Variants in CERS3 observed in about 807,000 individuals in gnomAD.
The protein encoded by CERS3 is LAG1 homolog, ceramide synthase 3.
A neutral mutation model predicts 50.3 loss-of-function variants in CERS3; 33 were observed. The ratio of observed to expected loss-of-function variants is 0.66; its 90% CI spans 0.50 to 0.88. CERS3 has a LOEUF of 0.88. CERS3 is among the 40% of genes least tolerant of loss of function. The pLI is 0.00. For missense variants in CERS3, 470 were observed against 460.3 expected (o/e 1.02, Z -0.19); for synonymous variants, 176 against 155.2 (o/e 1.13, Z -0.99).
chr15:100,467,834 CGT>C (rs201942763), intron 10 of CERS3, among the ~76,000 whole-genome samples: 1 of 19,992 alleles, frequency 5.0e-5, no homozygotes, highest in Non-Finnish European at 1.7e-4. Flanking sequence ...TATATATATA[CGT>C]GTATATATAT....
intron 3 of CERS3, among the ~76,000 whole-genome samples, chr15:100,498,903 T>C (rs1217822171): frequency 2.0e-5 from 3 of 152,246 alleles, no homozygotes; most frequent in African/African-American, 4.8e-5. Flanking sequence ...TTTGTTTTTA[T>C]GTGTGAACAA....
chr15:100,494,548 T>C (rs951183299), intron 3 of CERS3, among the ~76,000 whole-genome samples: 4 of 152,184 alleles, frequency 2.6e-5, no homozygotes, highest in South Asian at 4.1e-4. Flanking sequence ...TCACCTTTTT[T>C]GAATTAATCT....
intron 1 of CERS3, among the ~76,000 whole-genome samples, chr15:100,539,347 C>T (rs1315555077): frequency 6.6e-6 from 1 of 152,194 alleles, no homozygotes; most frequent in Non-Finnish European, 1.5e-5. Context: ...CCACTCTCTG[C>T]AGTACTAATG....
rs200475849 is a variant in CERS3 at position 100,498,491 on chromosome 15, G to GA, written c.173+3185dup. On this transcript the variant is annotated intron_variant, in intron 3 of 11. Transcript: ENST00000679737. The stretch of plus-strand genomic sequence containing the variant: ...ATTTTCATTTTATTGATATGGAATA[G>GA]AAAAAAAAAGTCTGAGAGGAAGAAA... 1.8e-3 allele frequency among the ~76,000 whole-genome samples: 266 copies of GA among 150,632 alleles called. 1 individual carries two copies. Among genetic ancestry groups the GA allele is most frequent in the African/African-American group, 5.8e-3 (237 of 41,174 alleles).
intron 2 of CERS3, among the ~76,000 whole-genome samples, chr15:100,509,443 C>A (rs1056847482): frequency 3.3e-5 from 5 of 152,186 alleles, no homozygotes; most frequent in African/African-American, 1.2e-4. Flanking sequence ...CAGAACATAT[C>A]TCTCAGATAG....
chr15:100,490,326 G>T (rs1309127110), intron 4 of CERS3, among the ~76,000 whole-genome samples: 2 of 152,102 alleles, frequency 1.3e-5, no homozygotes, highest in East Asian at 3.9e-4. Flanking sequence ...AATAGTCGGG[G>T]CACAGCATAT....
chr15:100,445,013 C>T (rs1383171199), intron 11 of CERS3, among the ~76,000 whole-genome samples: 6 of 151,192 alleles, frequency 4.0e-5, no homozygotes, highest in Admixed American at 6.6e-5. Flanking sequence ...AAAGGTAGAA[C>T]GGACTAATGG....
chr15:100,541,572 C>T (rs1405952019), intron 1 of CERS3, among the ~76,000 whole-genome samples: 1 of 152,152 alleles, frequency 6.6e-6, no homozygotes, highest in Non-Finnish European at 1.5e-5. Flanking sequence ...CTCTGTTGTA[C>T]TGGACCAGTT....
chr15:100,423,164 C>G (rs1038987231), intron 11 of CERS3, among the ~76,000 whole-genome samples: 4 of 151,740 alleles, frequency 2.6e-5, no homozygotes, highest in African/African-American at 7.3e-5. Context: ...TTATAAACTA[C>G]TGGTGGGAAT....
intron 11 of CERS3, among the ~76,000 whole-genome samples, chr15:100,447,827 C>G (rs1000625689): frequency 6.6e-6 from 1 of 152,152 alleles, no homozygotes; most frequent in Non-Finnish European, 1.5e-5. Context: ...TGGGCTATTT[C>G]CCCTAAAGTC....
chr15:100,463,261 C>T (rs1403242263), intron 10 of CERS3, among the ~76,000 whole-genome samples: 1 of 151,586 alleles, frequency 6.6e-6, no homozygotes, highest in African/African-American at 2.4e-5. Context: ...ATGGTGAAAC[C>T]CCGTTTCTAC....
At chr15:100,530,094 T>C (rs916728146), upstream of CERS3, among the ~76,000 whole-genome samples, 12 of 152,318 alleles carry the variant, frequency 7.9e-5, no homozygotes, top group East Asian at 1.9e-4. Flanking sequence ...AATGGGCTCA[T>C]GCATTTTTAA....
chr15:100,420,047 C>CA (rs1392100667), intron 11 of CERS3, among the ~76,000 whole-genome samples: 1 of 141,548 alleles, frequency 7.1e-6, no homozygotes, highest in Non-Finnish European at 1.5e-5. Flanking sequence ...CAAACACATT[C>CA]AAAAGCTAGC....
intron 3 of CERS3, among the ~76,000 whole-genome samples, chr15:100,494,300 T>A (rs1460970035): frequency 1.4e-5 from 2 of 144,126 alleles, no homozygotes; most frequent in Non-Finnish European, 1.5e-5. Flanking sequence ...CAGGCTGGAG[T>A]GCAGTGGCAT....
At chr15:100,479,394 A>C (rs2035231096) in intron 7 of CERS3, 34 bp downstream of exon 7, 4 of 1,519,354 alleles carry the variant, frequency 2.6e-6, no homozygotes, top group South Asian at 2.4e-5. Flanking sequence ...CTTGGTGTTC[A>C]AGTAAGGGGA....
rs1462602669 is a variant in CERS3 at position 100,466,837 on chromosome 15, C to CT, written c.845+2540dup. On this transcript the variant is annotated intron_variant, in intron 10 of 11. Transcript: ENST00000679737. Reference sequence around the variant, plus strand: ...CCTCCCTCTCTCCCTCTCTCCCTCTCTCCCTCTCTCTTTCTCTCTTTCTTT... The same window carrying CT: ...CCTCCCTCTCTCCCTCTCTCCCTCTCTTCCCTCTCTCTTTCTCTCTTTCTTT... 3.1e-5 allele frequency among the ~76,000 whole-genome samples: 3 copies of CT among 97,350 alleles called. 1 individual carries two copies. The East Asian group carries it at 1.0e-3, about 33-fold the overall frequency. The allele number at this position is 97,350 out of a possible 152,430, so 63.9% of individuals were successfully genotyped here.
At chr15:100,404,751 G>A (rs1385588516) in intron 11 of CERS3, among the ~76,000 whole-genome samples, 1 of 152,184 alleles carries the variant, frequency 6.6e-6, no homozygotes, top group East Asian at 1.9e-4. Flanking sequence ...ATCCAGACAG[G>A]GTGGTGTTCA....
rs1320355108 is a variant in CERS3, at chr15:100,467,837, G to GTGTA, written c.845+1540_845+1541insTACA. Among the ~76,000 whole-genome samples, 18 of 56,386 alleles carry GTGTA rather than the reference G, an allele frequency of 3.2e-4. 1 individual carries two copies. The highest frequency in any genetic ancestry group is 8.9e-4 in the African/African-American group (16 of 18,032). 37.0% of individuals were successfully genotyped at this position (56,386 alleles called of 152,430 possible). On this transcript the variant is annotated intron_variant, in intron 10 of 11. Coordinates refer to ENST00000679737, the MANE Select transcript of CERS3 (RefSeq NM_001378789.1). The stretch of plus-strand genomic sequence containing the variant: ...TATATATATGTGTATATATATACGT[G>GTGTA]TATATATATATATATAGATAGATAG...
intron 10 of CERS3, among the ~76,000 whole-genome samples, chr15:100,469,077 C>T (rs149006884): frequency 0.011 from 1,704 of 152,264 alleles, 54 homozygotes; most frequent in Admixed American, 0.063. Context: ...CATTGAGTGA[C>T]TAGAAAAGCT....
Sources: gnomAD v4.1 joint callset for allele counts (sites outside exome capture counted in the v4.1 genomes callset) on GRCh38, gnomAD v4.1.1 for gene constraint, MANE v1.5 for transcripts, NCBI Gene and HGNC (gene_info 2026-07-23, HGNC 2026-07-21) for gene names.